Variants in FTO observed in about 807,000 individuals in gnomAD.
FTO encodes alpha-ketoglutarate-dependent dioxygenase FTO.
A neutral mutation model predicts 63.9 loss-of-function variants in FTO; 47 were observed. That is an observed-to-expected ratio of 0.74 (90% CI 0.58 to 0.94). FTO has a LOEUF of 0.94. Ranked by LOEUF, FTO falls within the 40% of genes least tolerant of loss-of-function variation. The pLI is 0.00. For synonymous variants in FTO, 207 were observed against 224.4 expected, an observed-to-expected ratio of 0.92 and a Z score of 0.69; for missense variants, 562 against 618.1, an observed-to-expected ratio of 0.91 and a Z score of 0.96.
At chr16:53,927,823 A>G (rs1251940649) in intron 7 of FTO, among the ~76,000 whole-genome samples, 4 of 152,226 alleles carry the variant, frequency 2.6e-5, no homozygotes, top group African/African-American at 9.6e-5. Context: ...CACTAGGGAT[A>G]TGCAAAAAGA....
At chr16:53,751,858 G>A (rs1328622580) in intron 1 of FTO, among the ~76,000 whole-genome samples, 1 of 152,180 alleles carries the variant, frequency 6.6e-6, no homozygotes, top group Non-Finnish European at 1.5e-5. Context: ...CTATTTCCTA[G>A]TGATGTTGCT....
intron 1 of FTO, among the ~76,000 whole-genome samples, chr16:53,750,585 A>T (rs2076765037): frequency 1.3e-5 from 2 of 152,354 alleles, no homozygotes; most frequent in East Asian, 3.9e-4. Flanking sequence ...AAAACAAAGA[A>T]GAAGAAGAAT....
intron 1 of FTO, among the ~76,000 whole-genome samples, chr16:53,738,258 G>A (rs1008458599): frequency 6.6e-6 from 1 of 152,054 alleles, no homozygotes; most frequent in Non-Finnish European, 1.5e-5. Context: ...CCCACCTCAG[G>A]TGATCTGCCC....
chr16:54,070,443 A>G (rs2144447035), intron 8 of FTO: 1 of 152,312 alleles, frequency 6.6e-6, no homozygotes, highest in South Asian at 2.1e-4. Flanking sequence ...TATGATCACC[A>G]TACTGATAGC....
At chr16:54,088,764 A>T (rs536006396) in intron 8 of FTO, among the ~76,000 whole-genome samples, 3 of 152,336 alleles carry the variant, frequency 2.0e-5, no homozygotes, top group South Asian at 2.1e-4. Flanking sequence ...GGTTATACAG[A>T]TCAGACCATG....
At chr16:54,091,418 T>C (rs2086381158) in intron 8 of FTO, among the ~76,000 whole-genome samples, 2 of 152,134 alleles carry the variant, frequency 1.3e-5, no homozygotes, top group Non-Finnish European at 2.9e-5. Flanking sequence ...TGAACACCTG[T>C]AGTCCTAGCA....
intron 1 of FTO, among the ~76,000 whole-genome samples, chr16:53,780,407 G>A (rs1029687606): frequency 2.6e-5 from 4 of 152,088 alleles, no homozygotes; most frequent in African/African-American, 7.2e-5. Flanking sequence ...GAGCTACAGC[G>A]GTTTCCCTCT....
chr16:53,830,763 G>A (rs1038448609), intron 3 of FTO, among the ~76,000 whole-genome samples: 2 of 152,144 alleles, frequency 1.3e-5, no homozygotes, highest in Non-Finnish European at 2.9e-5. Flanking sequence ...GGGCATGGTG[G>A]TGCGCACCTG....
At chr16:53,843,797 G>GT (rs749743451) in intron 3 of FTO, among the ~76,000 whole-genome samples, 29 of 150,380 alleles carry the variant, frequency 1.9e-4, no homozygotes, top group Admixed American at 8.1e-4. Flanking sequence ...CTTTACATCT[G>GT]TTTTTTATTT....
chr16:53,787,393 C>T (rs2151676027), intron 1 of FTO, among the ~76,000 whole-genome samples: 1 of 151,300 alleles, frequency 6.6e-6, no homozygotes, highest in East Asian at 1.9e-4. Context: ...CATAACACCA[C>T]CCTGGAAGGC....
At chr16:53,761,919 A>C (rs1438908142) in intron 1 of FTO, among the ~76,000 whole-genome samples, 1 of 152,222 alleles carries the variant, frequency 6.6e-6, no homozygotes, top group East Asian at 1.9e-4. Flanking sequence ...TGATTCTTTT[A>C]ATGCCTTCTC....
At chr16:53,773,931 G>C (rs2077401850) in intron 1 of FTO, among the ~76,000 whole-genome samples, 10 of 152,128 alleles carry the variant, frequency 6.6e-5, no homozygotes, top group Admixed American at 6.6e-4. Context: ...CAGTGGGCCT[G>C]CCACAAGCAC....
intron 8 of FTO, among the ~76,000 whole-genome samples, chr16:54,051,000 T>C (rs1406653845): frequency 6.6e-6 from 1 of 152,234 alleles, no homozygotes; most frequent in Non-Finnish European, 1.5e-5. Flanking sequence ...TATCTGGAGA[T>C]AGACATCTTC....
At chr16:53,959,826 A>G (rs182046888) in intron 8 of FTO, among the ~76,000 whole-genome samples, 1 of 152,272 alleles carries the variant, frequency 6.6e-6, no homozygotes, top group East Asian at 1.9e-4. Flanking sequence ...GTAGGGTACA[A>G]GCTGGGTCCT....
intron 1 of FTO, among the ~76,000 whole-genome samples, chr16:53,712,541 C>G (rs2075799941): frequency 6.6e-6 from 1 of 152,136 alleles, no homozygotes; most frequent in South Asian, 2.1e-4. Flanking sequence ...TGAAAATTAA[C>G]CAGCTAAACT....
At chr16:53,897,142 A>G (rs1476007547) in intron 7 of FTO, among the ~76,000 whole-genome samples, 2 of 152,114 alleles carry the variant, frequency 1.3e-5, no homozygotes, top group South Asian at 2.1e-4. Flanking sequence ...TTATTTGTAG[A>G]TGATATTTTT....
chr16:53,714,959 C>A (rs1347567105), intron 1 of FTO, among the ~76,000 whole-genome samples: 2 of 152,148 alleles, frequency 1.3e-5, no homozygotes, highest in Non-Finnish European at 2.9e-5. Flanking sequence ...GACACGCACA[C>A]TTTATTACCA....
At chr16:53,982,159 A>G (rs1366660833) in intron 8 of FTO, among the ~76,000 whole-genome samples, 1 of 152,116 alleles carries the variant, frequency 6.6e-6, no homozygotes, top group Non-Finnish European at 1.5e-5. Flanking sequence ...TTCAGTCCTC[A>G]CCTCACCACA....
chr16:53,854,186 C>A (rs1460328824), intron 4 of FTO, among the ~76,000 whole-genome samples: 1 of 151,580 alleles, frequency 6.6e-6, no homozygotes, highest in Non-Finnish European at 1.5e-5. Context: ...TTTTTTCTTG[C>A]TGATTTGTTT....
Sources: allele counts gnomAD v4.1 joint callset (sites outside exome capture counted in the v4.1 genomes callset), GRCh38; gene constraint gnomAD v4.1.1; transcripts MANE v1.5; gene names NCBI Gene and HGNC (gene_info 2026-07-23, HGNC 2026-07-21).